SESN1: variants seen among roughly 807,000 people sequenced by gnomAD.
SESN1 encodes the protein sestrin-1.
A neutral mutation model predicts 59.3 loss-of-function variants in SESN1; 30 were observed. The ratio of observed to expected loss-of-function variants is 0.51; its 90% confidence interval spans 0.38 to 0.69. The LOEUF is 0.69. Among genes scored for constraint, SESN1 ranks in the 30% least tolerant of loss-of-function variants. SESN1 has a pLI of 0.00. For missense variants in SESN1, 566 were observed against 673.0 expected, an observed-to-expected ratio of 0.84 and a Z score of 1.76; for synonymous variants, 197 against 219.9, an observed-to-expected ratio of 0.90 and a Z score of 0.92.
chr6:109,049,439 G>GA (rs1178862765), intron 1 of SESN1, among the ~76,000 whole-genome samples: 2 of 152,048 alleles, frequency 1.3e-5, no homozygotes, highest in Admixed American at 1.3e-4. Context: ...ATTATAGCTA[G>GA]ATAAGCAGAA....
intron 1 of SESN1, among the ~76,000 whole-genome samples, chr6:109,091,702 C>T (rs1159067192): frequency 6.6e-6 from 1 of 152,172 alleles, no homozygotes; most frequent in Non-Finnish European, 1.5e-5. Context: ...TATTTGTTTA[C>T]TTCTTTATGG....
intron 1 of SESN1, among the ~76,000 whole-genome samples, chr6:109,012,069 A>T (rs773117129): frequency 6.6e-6 from 1 of 152,084 alleles, no homozygotes; most frequent in African/African-American, 2.4e-5. Context: ...GCTCCTCTCA[A>T]CCTCTAGGGC....
At position 109,094,155 on chromosome 6, in the gene SESN1, T is replaced by C. The variant is rs1781417630; in HGVS notation, c.-82A>G. On this transcript the variant is annotated 5_prime_UTR_variant, in exon 1 of 10. Coordinates refer to ENST00000436639, the MANE Select transcript of SESN1 (RefSeq NM_014454.3). ...TGCTTTGTATTTTTAAAATGAAAAATGTAAAAATAAAATCAGAGAAATCAA... is the reference window on the plus strand; with the variant it reads ...TGCTTTGTATTTTTAAAATGAAAAACGTAAAAATAAAATCAGAGAAATCAA... The C allele has an allele frequency of 7.1e-7, 1 of 1,404,118 alleles. No individual in the cohort carries two copies. Among genetic ancestry groups the C allele is most frequent in the Non-Finnish European group, 9.7e-7 (1 of 1,036,016 alleles). The allele number at this position is 1,404,118 out of a possible 1,614,324, so 87.0% of individuals were successfully genotyped here.
At chr6:109,082,451 A>G (rs927479467) in intron 1 of SESN1, among the ~76,000 whole-genome samples, 3 of 152,214 alleles carry the variant, frequency 2.0e-5, no homozygotes, top group Non-Finnish European at 1.5e-5. Flanking sequence ...TTGGCAGAGC[A>G]GGACTTAAAC....
Position 109,093,919 on chromosome 6 carries a change from C to T in SESN1, c.155G>A (p.Gly52Glu), listed in dbSNP as rs771131772. 25 of 1,614,140 alleles carry T rather than the reference C, an allele frequency of 1.5e-5. No individual in the cohort carries two copies. The African/African-American group carries it at 3.3e-4, about 22-fold the overall frequency. The change falls in exon 1 of 10, where the codon GGG becomes GAG. Residue 52 changes from glycine (G) to glutamate (E), a missense_variant. Gly to Glu is a moderately conservative substitution (Grantham distance 98). Coordinates refer to ENST00000436639, the MANE Select transcript of SESN1 (RefSeq NM_014454.3). ...VKETPHRPSD[G>E]LSNTESSDGL... Reference sequence around the variant, plus strand: ...ATCCGAAGACTCGGTATTTGAAAGCCCGTCTGATGGACGATGAGGTGTTTC... The same window carrying T: ...ATCCGAAGACTCGGTATTTGAAAGCTCGTCTGATGGACGATGAGGTGTTTC...
chr6:108,997,631 T>C (rs1240342876), intron 5 of SESN1, among the ~76,000 whole-genome samples: 1 of 152,228 alleles, frequency 6.6e-6, no homozygotes, highest in Non-Finnish European at 1.5e-5. Flanking sequence ...TTTACTTTTA[T>C]TTAGATACAA....
intron 8 of SESN1, among the ~76,000 whole-genome samples, chr6:108,989,496 T>C (rs1583256597): frequency 6.9e-6 from 1 of 145,672 alleles, no homozygotes; most frequent in African/African-American, 2.5e-5. Context: ...TCTCTAGATC[T>C]AGAGATATCT....
intron 1 of SESN1, among the ~76,000 whole-genome samples, chr6:109,035,093 A>G (rs1048166625): frequency 6.6e-6 from 1 of 152,126 alleles, no homozygotes; most frequent in African/African-American, 2.4e-5. Context: ...GGGCAAGAGG[A>G]TTCATTCAGC....
intron 1 of SESN1, among the ~76,000 whole-genome samples, chr6:109,018,940 T>C (rs1779967576): frequency 6.6e-6 from 1 of 152,160 alleles, no homozygotes; most frequent in African/African-American, 2.4e-5. Context: ...TTTCTTGATA[T>C]TATGCATATA....
chr6:108,994,935 A>C (rs983880550), intron 5 of SESN1, among the ~76,000 whole-genome samples: 13 of 151,978 alleles, frequency 8.6e-5, no homozygotes, highest in African/African-American at 3.1e-4. Flanking sequence ...CGATCTCCTG[A>C]CCTTGTGATC....
intron 1 of SESN1, among the ~76,000 whole-genome samples, chr6:109,053,906 A>C (rs1282032812): frequency 6.6e-6 from 1 of 152,158 alleles, no homozygotes; most frequent in African/African-American, 2.4e-5. Context: ...ATGTAGACAA[A>C]TTTAACAGAG....
At chr6:109,061,984 G>A (rs1332506995) in intron 1 of SESN1, among the ~76,000 whole-genome samples, 1 of 152,182 alleles carries the variant, frequency 6.6e-6, no homozygotes, top group Non-Finnish European at 1.5e-5. Context: ...ATGGTGCTCT[G>A]AGGAATAATG....
chr6:109,053,804 T>G (rs1670539886), intron 1 of SESN1, among the ~76,000 whole-genome samples: 1 of 152,188 alleles, frequency 6.6e-6, no homozygotes, highest in Admixed American at 6.5e-5. Context: ...TTGAAAATAT[T>G]TTCTAGGACC....
intron 1 of SESN1, among the ~76,000 whole-genome samples, chr6:109,087,436 G>A (rs1030087969): frequency 1.3e-5 from 2 of 152,138 alleles, no homozygotes; most frequent in Non-Finnish European, 2.9e-5. Flanking sequence ...TATTCTCTGA[G>A]CCTCAAAAGC....
In SESN1 at chr6:109,002,323, A is replaced by G; in HGVS notation, c.300T>C (p.Pro100=). The G allele has an allele frequency of 6.2e-7, 1 of 1,613,382 alleles. No individual in the cohort carries two copies. The highest frequency in any genetic ancestry group is 8.5e-7 in the Non-Finnish European group (1 of 1,179,448). Reference sequence around the variant, plus strand: ...TGCTTGGTCCCTGTCCTAGTGGTCGAGGAATTCTAATGCCAAGTTCCTAGA... The same window carrying G: ...TGCTTGGTCCCTGTCCTAGTGGTCGGGGAATTCTAATGCCAAGTTCCTAGA... The part of the protein sequence containing the change: ...KSIQELGIRI[P]RPLGQGPSRF... Residue 100 remains proline, a synonymous_variant, in exon 2 of 10, where the codon CCT becomes CCC. Transcript: ENST00000436639.
rs114760044 is a variant in SESN1, at chr6:109,089,502, A to G, written c.279+4293T>C. 7.8e-3 allele frequency among the ~76,000 whole-genome samples: 1,191 copies of G among 152,300 alleles called. 19 individuals carry two copies. Among genetic ancestry groups the G allele is most frequent in the African/African-American group, 0.027 (1,141 of 41,560 alleles). On this transcript the variant is annotated intron_variant, in intron 1 of 9. Transcript: ENST00000436639. ...GGAGGGTGAGTTTAATCTGGAGAAG[A>G]AGACATAGCAGTGACAGAACTAGAA... is the stretch of plus-strand genomic sequence containing the variant.
intron 1 of SESN1, among the ~76,000 whole-genome samples, chr6:109,032,490 C>T (rs772537696): frequency 1.3e-5 from 2 of 150,524 alleles, no homozygotes; most frequent in South Asian, 2.1e-4. Context: ...TGATGGTGCA[C>T]ACCTGTAATC....
chr6:108,994,608 A>C lies in SESN1; in HGVS notation c.974T>G (p.Val325Gly), dbSNP rs535710671. The change falls in exon 6 of 10, where the codon GTA (valine) becomes GGA (glycine). Residue 325 changes from valine (V) to glycine (G), a missense_variant and splice_region_variant. By Grantham distance (109) the Val-to-Gly change is moderately radical (BLOSUM62 -3). Coordinates refer to ENST00000436639, the MANE Select transcript of SESN1 (RefSeq NM_014454.3). ...MPVNSAENVS[V>G]SDSFFEVEAL... ...TTCAACCTCAAAGAAAGAATCACTTACCTGAAGAAAAAATACAATTAATGT... is the reference window on the plus strand; with the variant it reads ...TTCAACCTCAAAGAAAGAATCACTTCCCTGAAGAAAAAATACAATTAATGT... The C allele has an allele frequency of 3.7e-6, 6 of 1,607,740 alleles. No individual in the cohort carries two copies. The highest frequency in any genetic ancestry group is 2.2e-5 in the South Asian group (2 of 90,226).
chr6:109,093,412 T>C (rs527413386), intron 1 of SESN1, among the ~76,000 whole-genome samples: 5 of 152,332 alleles, frequency 3.3e-5, no homozygotes, highest in African/African-American at 1.2e-4. Flanking sequence ...ACCAATTATC[T>C]TGAACAGGCT....
Sources: allele counts gnomAD v4.1 joint callset (sites outside exome capture counted in the v4.1 genomes callset), GRCh38; gene constraint gnomAD v4.1.1; transcripts MANE v1.5; gene names NCBI Gene and HGNC (gene_info 2026-07-23, HGNC 2026-07-21).